TEX11: variants seen among roughly 807,000 people sequenced by gnomAD.
TEX11 encodes the protein testis-expressed protein 11.
Under a neutral mutation model 84.4 loss-of-function variants are expected in TEX11, and 7 were observed. That is an observed-to-expected ratio of 0.08 (90% CI 0.05 to 0.16). The LOEUF is 0.16. Ranked by LOEUF, TEX11 falls within the 10% of genes least tolerant of loss-of-function variation. TEX11 has a pLI of 1.00. For missense variants in TEX11, 551 were observed against 660.5 expected (o/e 0.83, Z 1.82); for synonymous variants, 264 against 222.8 (o/e 1.18, Z -1.64).
chrX:70,876,163 G>A (rs1400681266), intron 3 of TEX11, among the ~76,000 whole-genome samples: 1 of 112,370 alleles, frequency 8.9e-6, no homozygotes, highest in African/African-American at 3.2e-5. Context: ...ATTTTAAAAT[G>A]TTGGGAAAAC....
intron 2 of TEX11, among the ~76,000 whole-genome samples, chrX:70,882,027 CAAAA>C (rs61563153): frequency 2.4e-5 from 1 of 41,686 alleles, no homozygotes; most frequent in African/African-American, 8.1e-5. Context: ...GACTCCATCT[CAAAA>C]AAAAAAAAAA....
At chrX:70,660,942 T>C (rs2089918992) in intron 16 of TEX11, among the ~76,000 whole-genome samples, 1 of 111,580 alleles carries the variant, frequency 9.0e-6, no homozygotes, top group South Asian at 3.8e-4. Flanking sequence ...CAGCTCCCAG[T>C]GTGAGCGACA....
In TEX11 at chrX:70,531,025, T is replaced by C. The variant is rs185902519; in HGVS notation, c.2521-1026A>G. On this transcript the variant is annotated intron_variant, in intron 28 of 29. Transcript: ENST00000374333. ...CATCCTTGTCCACTTCATAGACTTA[T>C]ACTTTTTCTTCAAATTCACAAGAAC... is the stretch of plus-strand genomic sequence containing the variant. 5.5e-3 allele frequency among the ~76,000 whole-genome samples: 614 copies of C among 111,129 alleles called. 3 individuals carry two copies. The highest frequency in any genetic ancestry group is 0.019 in the African/African-American group (586 of 30,611).
At chrX:70,680,693 TTCA>T (rs1417302791) in intron 14 of TEX11, among the ~76,000 whole-genome samples, 1 of 111,884 alleles carries the variant, frequency 8.9e-6, no homozygotes, top group African/African-American at 3.2e-5. Flanking sequence ...CAGACAGGTT[TTCA>T]TCATCAATTT....
intron 9 of TEX11, among the ~76,000 whole-genome samples, chrX:70,797,501 A>C (rs891022855): frequency 2.7e-5 from 3 of 110,486 alleles, no homozygotes; most frequent in Non-Finnish European, 5.7e-5. Context: ...CTTCCCTAAA[A>C]ATGAAGAGGA....
rs191117838 is a variant in TEX11, at chrX:70,662,915, A to G, written c.1380+7462T>C. ...AGGATAATGGAAGTCTTCTATATCT[A>G]GACCATGGTAGTGGGTAAATTTGGG... is the stretch of plus-strand genomic sequence containing the variant. On this transcript the variant is annotated intron_variant, in intron 16 of 29. Coordinates refer to ENST00000374333, the MANE Select transcript of TEX11 (RefSeq NM_031276.3). Among the ~76,000 whole-genome samples, 550 of 111,789 alleles carry G rather than the reference A, an allele frequency of 4.9e-3. 4 individuals are homozygous for G. Among genetic ancestry groups the G allele is most frequent in the African/African-American group, 0.017 (522 of 30,814 alleles).
intron 2 of TEX11, among the ~76,000 whole-genome samples, chrX:70,897,744 CAA>C (rs1172110749): frequency 1.9e-5 from 2 of 104,874 alleles, no homozygotes; most frequent in African/African-American, 7.1e-5. Context: ...AGAAAAGAGA[CAA>C]GAGTTATTTT....
At chrX:70,654,709 C>CAAAAAAAAAAAAA (rs56822297) in intron 16 of TEX11, among the ~76,000 whole-genome samples, 7 of 37,629 alleles carry the variant, frequency 1.9e-4, no homozygotes, top group Admixed American at 7.5e-4. Context: ...GACTCTGTCT[C>CAAAAAAAAAAAAA]AAAAAAAAAA....
chrX:70,880,414 G>A (rs920879346), intron 2 of TEX11, among the ~76,000 whole-genome samples: 2 of 111,171 alleles, frequency 1.8e-5, no homozygotes, highest in African/African-American at 6.5e-5. Context: ...TACAAAACAG[G>A]CCAAGCATGG....
In TEX11 at chrX:70,552,232, T is replaced by G; in HGVS notation, c.2414A>C (p.Asn805Thr). 8.3e-7 allele frequency: 1 copy of G among 1,208,591 alleles called. No homozygotes were observed. Among genetic ancestry groups the G allele is most frequent in the Non-Finnish European group, 1.1e-6 (1 of 894,487 alleles). ...DISQYSKCMH[N>T]LVNLSVPDGA... Reference sequence around the variant, plus strand: ...ATCTGGCACTGAGAGGTTAACCAAGTTGTGCATACATTTGCTGAAAATCAA... The same window carrying G: ...ATCTGGCACTGAGAGGTTAACCAAGGTGTGCATACATTTGCTGAAAATCAA... Residue 805 changes from asparagine to threonine, a missense_variant, in exon 28 of 30, where the codon AAC (asparagine) becomes ACC (threonine). Coordinates refer to ENST00000374333, the MANE Select transcript of TEX11 (RefSeq NM_031276.3).
At chrX:70,556,256 T>C (rs1432215435) in intron 25 of TEX11, among the ~76,000 whole-genome samples, 5 of 110,935 alleles carry the variant, frequency 4.5e-5, no homozygotes, top group Non-Finnish European at 9.5e-5. Context: ...CATTTAATGC[T>C]ATACACTTTT....
intron 10 of TEX11, among the ~76,000 whole-genome samples, chrX:70,743,700 A>G (rs1193991935): frequency 9.1e-6 from 1 of 110,427 alleles, no homozygotes; most frequent in Non-Finnish European, 1.9e-5. Context: ...ACATGGCAGA[A>G]CCCCGTCTCT....
At chrX:70,527,424 A>C (rs772658686), downstream of TEX11, among the ~76,000 whole-genome samples, 21 of 111,982 alleles carry the variant, frequency 1.9e-4, no homozygotes, top group African/African-American at 6.5e-4. Flanking sequence ...ACTGAAGCTA[A>C]TCATTAGGAA....
At chrX:70,896,843 G>C (rs1467018614) in intron 2 of TEX11, among the ~76,000 whole-genome samples, 2 of 109,752 alleles carry the variant, frequency 1.8e-5, no homozygotes, top group Non-Finnish European at 3.8e-5. Flanking sequence ...CACAGGGAGG[G>C]GAACATCACA....
intron 15 of TEX11, among the ~76,000 whole-genome samples, chrX:70,672,270 T>C (rs2090031962): frequency 9.0e-6 from 1 of 111,323 alleles, no homozygotes; most frequent in Non-Finnish European, 1.9e-5. Flanking sequence ...GATGGACATT[T>C]GGCTGTTTCC....
intron 25 of TEX11, among the ~76,000 whole-genome samples, chrX:70,562,853 C>T (rs937617259): frequency 1.8e-5 from 2 of 112,228 alleles, no homozygotes; most frequent in Non-Finnish European, 3.8e-5. Context: ...CTCTGGCAAT[C>T]ACTGATGTGT....
At chrX:70,779,726 AAAG>A (rs2091025751) in intron 9 of TEX11, among the ~76,000 whole-genome samples, 1 of 111,405 alleles carries the variant, frequency 9.0e-6, no homozygotes, top group South Asian at 3.8e-4. Flanking sequence ...TATCAAGAAT[AAAG>A]AATCATAAGA....
intron 13 of TEX11, among the ~76,000 whole-genome samples, chrX:70,685,080 T>G (rs1044682680): frequency 8.9e-6 from 1 of 112,137 alleles, no homozygotes; most frequent in Admixed American, 9.5e-5. Flanking sequence ...CTTTTGTGCT[T>G]GGGCTGGGTG....
At chrX:70,684,707 T>G (rs1252574040) in intron 13 of TEX11, among the ~76,000 whole-genome samples, 1 of 112,279 alleles carries the variant, frequency 8.9e-6, no homozygotes, top group Admixed American at 9.5e-5. Context: ...AGAATTAGTA[T>G]TATTAAAATG....
Sources: allele counts gnomAD v4.1 joint callset (sites outside exome capture counted in the v4.1 genomes callset), GRCh38; gene constraint gnomAD v4.1.1; transcripts MANE v1.5; gene names NCBI Gene and HGNC (gene_info 2026-07-23, HGNC 2026-07-21).